MCTP1: variants seen among roughly 807,000 people sequenced by gnomAD.
MCTP1 encodes the protein multiple C2 and transmembrane domain containing 1, also known as multiple C2 and transmembrane domain-containing protein 1.
In MCTP1, 69 loss-of-function variants were observed where a neutral mutation model predicts 120.6. The ratio of observed to expected loss-of-function variants is 0.57; its 90% CI spans 0.47 to 0.70. MCTP1 has a LOEUF of 0.70. Among genes scored for constraint, MCTP1 ranks in the 30% least tolerant of loss-of-function variants. The probability of loss-of-function intolerance (pLI) is 0.00; values close to 1 mark genes in which losing one functional copy is unlikely to be tolerated. For missense variants in MCTP1, 1,203 were observed against 1,248.8 expected, an observed-to-expected ratio of 0.96 and a Z score of 0.55; for synonymous variants, 529 against 493.1, an observed-to-expected ratio of 1.07 and a Z score of -0.96.
chr5:95,245,621 T>C (rs1248024728), intron 1 of MCTP1, among the ~76,000 whole-genome samples: 1 of 142,996 alleles, frequency 7.0e-6, no homozygotes, highest in East Asian at 2.0e-4. Flanking sequence ...AAGACAAGAT[T>C]AGAAAAAAAA....
intron 17 of MCTP1, among the ~76,000 whole-genome samples, chr5:94,828,226 G>C (rs1479944889): frequency 6.6e-6 from 1 of 152,164 alleles, no homozygotes; most frequent in African/African-American, 2.4e-5. Flanking sequence ...CTCTTCTGCA[G>C]GTCTGCTGGA....
intron 8 of MCTP1, among the ~76,000 whole-genome samples, chr5:94,914,120 T>C (rs940833545): frequency 6.6e-6 from 1 of 152,160 alleles, no homozygotes; most frequent in Non-Finnish European, 1.5e-5. Context: ...AAACAAGCCA[T>C]AGAAAGTAAC....
chr5:95,282,681 TC>T (rs2152747771), intron 1 of MCTP1, among the ~76,000 whole-genome samples: 1 of 152,350 alleles, frequency 6.6e-6, no homozygotes, highest in Admixed American at 6.5e-5. Flanking sequence ...AAAATATTTT[TC>T]TGGATCATCA....
At chr5:94,796,530 A>C (rs1303809122) in intron 18 of MCTP1, among the ~76,000 whole-genome samples, 1 of 147,928 alleles carries the variant, frequency 6.8e-6, no homozygotes, top group Non-Finnish European at 1.5e-5. Context: ...CAACCCCTAC[A>C]AACACTTTCC....
chr5:95,086,248 A>G (rs1249574457), intron 1 of MCTP1, among the ~76,000 whole-genome samples: 1 of 152,166 alleles, frequency 6.6e-6, no homozygotes, highest in East Asian at 1.9e-4. Context: ...GGTATCGGCT[A>G]TGTACCCCCG....
At chr5:94,830,672 C>T (rs1197230245) in intron 17 of MCTP1, among the ~76,000 whole-genome samples, 1 of 152,134 alleles carries the variant, frequency 6.6e-6, no homozygotes, top group Non-Finnish European at 1.5e-5. Context: ...GACTAAGTTC[C>T]TTATGGAGGA....
intron 1 of MCTP1, among the ~76,000 whole-genome samples, chr5:95,070,251 C>T (rs1374873420): frequency 6.6e-6 from 1 of 152,240 alleles, no homozygotes; most frequent in Non-Finnish European, 1.5e-5. Context: ...CAGCTTGCCT[C>T]TCACCCTCTG....
intron 1 of MCTP1, among the ~76,000 whole-genome samples, chr5:95,268,373 T>C (rs889120116): frequency 2.0e-5 from 3 of 152,222 alleles, no homozygotes; most frequent in African/African-American, 7.2e-5. Context: ...TGGTTTATTA[T>C]ATAGAACATT....
At chr5:94,911,712 A>ATCT in intron 9 of MCTP1, among the ~76,000 whole-genome samples, 1 of 152,202 alleles carries the variant, frequency 6.6e-6, no homozygotes, top group East Asian at 1.9e-4. Flanking sequence ...GAACTAATAC[A>ATCT]TAAGACATGT....
At chr5:94,922,599 C>T (rs1173606909) in intron 7 of MCTP1, among the ~76,000 whole-genome samples, 1 of 152,126 alleles carries the variant, frequency 6.6e-6, no homozygotes, top group African/African-American at 2.4e-5. Flanking sequence ...AGCAATTCTC[C>T]TGCCTCAGCC....
intron 1 of MCTP1, among the ~76,000 whole-genome samples, chr5:95,256,585 CT>C (rs553152273): frequency 1.2e-4 from 18 of 152,306 alleles, no homozygotes; most frequent in African/African-American, 4.3e-4. Flanking sequence ...CCTGGGTTGC[CT>C]AGAAGTCCCT....
At chr5:95,216,255 TAACTC>T (rs1364413143) in intron 1 of MCTP1, among the ~76,000 whole-genome samples, 2 of 152,204 alleles carry the variant, frequency 1.3e-5, no homozygotes, top group Non-Finnish European at 2.9e-5. Flanking sequence ...TATTTACAGA[TAACTC>T]AGTAAGCAAG....
chr5:95,245,298 A>T (rs2152686934), intron 1 of MCTP1, among the ~76,000 whole-genome samples: 1 of 152,354 alleles, frequency 6.6e-6, no homozygotes, highest in East Asian at 1.9e-4. Flanking sequence ...CCTCGCCAGC[A>T]AGGGAACAAA....
intron 2 of MCTP1, among the ~76,000 whole-genome samples, chr5:95,009,826 C>T (rs1835560100): frequency 6.6e-6 from 1 of 152,110 alleles, no homozygotes; most frequent in African/African-American, 2.4e-5. Context: ...GACAATAAAA[C>T]TCAGAAAAAG....
At position 95,046,922 on chromosome 5, in the gene MCTP1, T is replaced by A. The variant is rs532111476; in HGVS notation, c.721-29438A>T. On this transcript the variant is annotated intron_variant, in intron 1 of 22. Transcript: ENST00000515393. ...AAGTTCATGAAAGACTACGTTCATG[T>A]TAAATATTTGGCATCTAATGTAGTA... Among the ~76,000 whole-genome samples the A allele has an allele frequency of 2.6e-5, 4 of 152,292 alleles. No individual in the cohort carries two copies. In the South Asian group the frequency reaches 8.3e-4, roughly 32 times the overall value.
At chr5:95,274,723 A>G (rs766865652) in intron 1 of MCTP1, among the ~76,000 whole-genome samples, 1 of 151,644 alleles carries the variant, frequency 6.6e-6, no homozygotes, top group East Asian at 1.9e-4. Context: ...TCCCGGGTTC[A>G]TGCCATTCTC....
chr5:95,132,168 ATC>A (rs1160107289), intron 1 of MCTP1, among the ~76,000 whole-genome samples: 1 of 152,226 alleles, frequency 6.6e-6, no homozygotes, highest in African/African-American at 2.4e-5. Context: ...ACAGCAAAAA[ATC>A]TCTCATTACA....
chr5:94,749,212 C>G (rs539976210), intron 19 of MCTP1, among the ~76,000 whole-genome samples: 1 of 152,234 alleles, frequency 6.6e-6, no homozygotes, highest in East Asian at 1.9e-4. Context: ...AAAAGTATTT[C>G]CTTTGCACAG....
At chr5:94,988,597 G>GTTTT (rs752489135) in intron 2 of MCTP1, among the ~76,000 whole-genome samples, 9 of 117,440 alleles carry the variant, frequency 7.7e-5, no homozygotes, top group African/African-American at 1.3e-4. Context: ...CCCTGTGTGT[G>GTTTT]TTTTTTTTTT....
Sources: gnomAD v4.1 joint callset for allele counts (sites outside exome capture counted in the v4.1 genomes callset) on GRCh38, gnomAD v4.1.1 for gene constraint, MANE v1.5 for transcripts, NCBI Gene and HGNC (gene_info 2026-07-23, HGNC 2026-07-21) for gene names.